Variants in ADAMTS17 observed in about 807,000 individuals in gnomAD.
ADAMTS17 encodes A disintegrin and metalloproteinase with thrombospondin motifs 17.
Under a neutral mutation model 141.5 loss-of-function variants are expected in ADAMTS17, and 113 were observed. The observed-to-expected ratio is 0.80, with a 90% CI of 0.69 to 0.93. ADAMTS17 has a LOEUF of 0.93. Among genes scored for constraint, ADAMTS17 ranks in the 40% least tolerant of loss-of-function variants. The pLI is 0.00. For synonymous variants in ADAMTS17, 768 were observed against 630.6 expected (o/e 1.22, Z -3.27); for missense variants, 1,659 against 1,517.9 (o/e 1.09, Z -1.54).
intron 3 of ADAMTS17, among the ~76,000 whole-genome samples, chr15:100,299,210 C>T (rs1418558954): frequency 2.0e-5 from 3 of 151,872 alleles, no homozygotes; most frequent in Admixed American, 2.0e-4. Context: ...ACAATTTAGC[C>T]CATAAGATAC....
intron 3 of ADAMTS17, among the ~76,000 whole-genome samples, chr15:100,327,241 G>C (rs1023944131): frequency 1.3e-5 from 2 of 152,322 alleles, no homozygotes; most frequent in East Asian, 3.9e-4. Flanking sequence ...GCATAAATTA[G>C]CAATGCGCAG....
chr15:100,116,147 A>AAAC (rs1555454306), intron 13 of ADAMTS17, among the ~76,000 whole-genome samples: 52 of 146,650 alleles, frequency 3.5e-4, no homozygotes, highest in African/African-American at 1.2e-3. Flanking sequence ...AAAAAAAAAA[A>AAAC]AAAAAAAAAA....
chr15:100,285,434 T>C (rs1001845897), intron 3 of ADAMTS17, among the ~76,000 whole-genome samples: 2 of 152,208 alleles, frequency 1.3e-5, no homozygotes, highest in African/African-American at 2.4e-5. Flanking sequence ...ACAGATACTC[T>C]TTAGTTTAGA....
chr15:100,155,159 T>C (rs769663484), intron 9 of ADAMTS17, 21 bp downstream of exon 9: 6 of 1,614,092 alleles, frequency 3.7e-6, no homozygotes, highest in African/African-American at 2.7e-5. Flanking sequence ...ATTCATCCTA[T>C]AGAATAATTC....
chr15:100,253,807 G>A (rs1383439464), intron 7 of ADAMTS17, among the ~76,000 whole-genome samples: 1 of 152,032 alleles, frequency 6.6e-6, no homozygotes, highest in African/African-American at 2.4e-5. Flanking sequence ...AACTTAGCAG[G>A]CTGCCTCTCC....
At chr15:100,138,918 A>C (rs1247774174) in intron 10 of ADAMTS17, among the ~76,000 whole-genome samples, 1 of 152,154 alleles carries the variant, frequency 6.6e-6, no homozygotes, top group Non-Finnish European at 1.5e-5. Context: ...TTTAATATAC[A>C]TTTTAAAAAA....
chr15:100,288,933 C>T (rs1303950530), intron 3 of ADAMTS17, among the ~76,000 whole-genome samples: 1 of 152,090 alleles, frequency 6.6e-6, no homozygotes, highest in Non-Finnish European at 1.5e-5. Context: ...TGACATCACA[C>T]CTTGAGGAAC....
intron 3 of ADAMTS17, among the ~76,000 whole-genome samples, chr15:100,312,054 G>C (rs78408486): frequency 0.024 from 3,671 of 152,316 alleles, 135 homozygotes; most frequent in African/African-American, 0.083. Flanking sequence ...CCATGGGCCA[G>C]ACGGCTGAGT....
chr15:100,330,095 C>A (rs1425162344), intron 3 of ADAMTS17, among the ~76,000 whole-genome samples: 1 of 152,114 alleles, frequency 6.6e-6, no homozygotes, highest in African/African-American at 2.4e-5. Context: ...ATTTGTAGCC[C>A]CATGAAATGT....
intron 12 of ADAMTS17, among the ~76,000 whole-genome samples, chr15:100,123,640 G>C (rs1021910526): frequency 3.3e-5 from 5 of 152,222 alleles, no homozygotes; most frequent in African/African-American, 1.2e-4. Flanking sequence ...CATTTTGCTG[G>C]CCCTTCTAAC....
Position 100,330,951 on chromosome 15 carries a change from G to T in ADAMTS17, c.554C>A (p.Ser185Tyr). Residue 185 changes from serine to tyrosine, a missense_variant, in exon 3 of 22, where the codon TCC becomes TAC. By Grantham distance (144) the Ser-to-Tyr change is moderately radical. Transcript: ENST00000268070. Reference sequence around the variant, plus strand: ...CTCAGCAGAAGGGCTGGGGGTCAAGGACCATTTGCGCCTGATCAGATGTTC... The same window carrying T: ...CTCAGCAGAAGGGCTGGGGGTCAAGTACCATTTGCGCCTGATCAGATGTTC... The part of the protein sequence containing the change: ...GREHLIRRKW[S>Y]LTPSPSAEAQ... The T allele has an allele frequency of 1.2e-6, 2 of 1,614,140 alleles. No individual in the cohort carries two copies. The highest frequency in any genetic ancestry group is 8.5e-7 in the Non-Finnish European group (1 of 1,180,028).
intron 7 of ADAMTS17, among the ~76,000 whole-genome samples, chr15:100,240,532 CA>C (rs1204514928): frequency 6.6e-6 from 1 of 152,162 alleles, no homozygotes; most frequent in African/African-American, 2.4e-5. Flanking sequence ...CCAGGAAGAA[CA>C]GAAGTTAATC....
intron 18 of ADAMTS17, among the ~76,000 whole-genome samples, chr15:99,999,994 C>T (rs913836261): frequency 4.6e-5 from 7 of 152,180 alleles, no homozygotes; most frequent in Admixed American, 1.3e-4. Flanking sequence ...ATCCATGGCT[C>T]GCATGGCAGG....
intron 10 of ADAMTS17, among the ~76,000 whole-genome samples, chr15:100,142,631 A>T (rs1392005260): frequency 2.0e-5 from 3 of 152,210 alleles, no homozygotes; most frequent in Non-Finnish European, 4.4e-5. Context: ...GAGAAGACTG[A>T]GACATAGTGA....
At chr15:100,137,564 G>A (rs2038399352) in intron 10 of ADAMTS17, among the ~76,000 whole-genome samples, 1 of 152,164 alleles carries the variant, frequency 6.6e-6, no homozygotes, top group Admixed American at 6.5e-5. Flanking sequence ...TCTGCTTTCA[G>A]CGAATAGCAG....
intron 15 of ADAMTS17, among the ~76,000 whole-genome samples, chr15:100,090,672 C>G (rs181179408): frequency 9.9e-5 from 15 of 152,138 alleles, no homozygotes; most frequent in Non-Finnish European, 7.4e-5. Context: ...CTTATGCATG[C>G]GCTCTGCTAA....
At chr15:100,080,362 A>C (rs2034650914) in intron 15 of ADAMTS17, among the ~76,000 whole-genome samples, 1 of 152,186 alleles carries the variant, frequency 6.6e-6, no homozygotes, top group Admixed American at 6.5e-5. Flanking sequence ...TATCAAGATG[A>C]AATCAGTCTA....
In ADAMTS17 at chr15:100,261,342, T is replaced by C. The variant is rs116599059; in HGVS notation, c.1031+137A>G. ...ACCACCGTTAACCCCCACTTACTAA[T>C]GAGGAAACCAAAACCCAGACAGGTG... is the stretch of plus-strand genomic sequence containing the variant. On this transcript the variant is annotated intron_variant, in intron 6 of 21. Transcript: ENST00000268070. The C allele has an allele frequency of 6.3e-4, 713 of 1,137,686 alleles. 4 individuals carry two copies. The African/African-American group carries it at 9.8e-3, about 16-fold the overall frequency. The allele number at this position is 1,137,686 out of a possible 1,614,324, so 70.5% of individuals were successfully genotyped here. A position where few individuals can be genotyped will look rare whatever the true frequency, so the allele number is the denominator to read the frequency against.
chr15:100,261,775 G>T, intron 5 of ADAMTS17, 139 bp from the exon 6 acceptor site: 1 of 957,406 alleles, frequency 1.0e-6, no homozygotes, highest in Non-Finnish European at 1.6e-6. Context: ...TCGAAGAAAA[G>T]CCTGATGCTA....
Sources: gnomAD v4.1 joint callset for allele counts (sites outside exome capture counted in the v4.1 genomes callset) on GRCh38, gnomAD v4.1.1 for gene constraint, MANE v1.5 for transcripts, NCBI Gene and HGNC (gene_info 2026-07-23, HGNC 2026-07-21) for gene names.